The following ANKRD12 variants were observed in gnomAD, a reference collection of about 807,000 sequenced individuals.
ANKRD12 encodes ankyrin repeat domain-containing protein 12.
In ANKRD12, 85 loss-of-function variants were observed where a neutral mutation model predicts 183.4. The observed-to-expected ratio is 0.46, with a 90% CI of 0.39 to 0.56. The LOEUF (loss-of-function observed/expected upper bound fraction) is 0.56, where lower values mean the gene tolerates loss of function less well. Among genes scored for constraint, ANKRD12 ranks in the 20% least tolerant of loss-of-function variants. The pLI is 0.00. For synonymous variants in ANKRD12, 914 were observed against 800.2 expected (o/e 1.14, Z -2.40); for missense variants, 2,405 against 2,357.1 (o/e 1.02, Z -0.42).
At chr18:9,199,450 G>A (rs1400191099) in intron 3 of ANKRD12, among the ~76,000 whole-genome samples, 1 of 152,112 alleles carries the variant, frequency 6.6e-6, no homozygotes, top group African/African-American at 2.4e-5. Flanking sequence ...TTTTTTCACT[G>A]TAGGAACTGT....
intron 4 of ANKRD12, among the ~76,000 whole-genome samples, chr18:9,205,814 G>A (rs1370680102): frequency 1.3e-5 from 2 of 152,056 alleles, no homozygotes; most frequent in Admixed American, 1.3e-4. Flanking sequence ...CTATATTTGA[G>A]TTGTGATTCC....
chr18:9,180,170 G>A (rs1015194607), intron 1 of ANKRD12, among the ~76,000 whole-genome samples: 1 of 152,094 alleles, frequency 6.6e-6, no homozygotes, highest in East Asian at 1.9e-4. Context: ...AGATTGGTGT[G>A]TTGTCTTAGT....
intron 1 of ANKRD12, among the ~76,000 whole-genome samples, chr18:9,138,359 C>G (rs958497769): frequency 2.0e-5 from 3 of 152,044 alleles, no homozygotes; most frequent in Non-Finnish European, 4.4e-5. Context: ...ACTAAATATA[C>G]AAAATTAGCC....
At chr18:9,148,618 G>A (rs1166699281) in intron 1 of ANKRD12, among the ~76,000 whole-genome samples, 1 of 151,920 alleles carries the variant, frequency 6.6e-6, no homozygotes, top group East Asian at 1.9e-4. Context: ...CTTATTTATT[G>A]CTGGAGCCAG....
At chr18:9,220,917 T>C (rs570842685) in intron 7 of ANKRD12, among the ~76,000 whole-genome samples, 1 of 152,264 alleles carries the variant, frequency 6.6e-6, no homozygotes, top group African/African-American at 2.4e-5. Context: ...AGATTGATGG[T>C]AGCAGAGTTG....
At chr18:9,236,176 G>A (rs989150423) in intron 8 of ANKRD12, among the ~76,000 whole-genome samples, 2 of 152,094 alleles carry the variant, frequency 1.3e-5, no homozygotes, top group Non-Finnish European at 1.5e-5. Flanking sequence ...TATAACAATG[G>A]TAAAGGATTG....
chr18:9,192,503 G>A (rs2034515774), intron 2 of ANKRD12, among the ~76,000 whole-genome samples: 1 of 152,000 alleles, frequency 6.6e-6, no homozygotes. Context: ...TGTATCTTGT[G>A]CTGTTTTTTG....
intron 8 of ANKRD12, among the ~76,000 whole-genome samples, chr18:9,237,763 G>A (rs2037430367): frequency 6.6e-6 from 1 of 152,146 alleles, no homozygotes; most frequent in Admixed American, 6.5e-5. Flanking sequence ...ATGTATACCA[G>A]GCCATTAAGG....
intron 3 of ANKRD12, among the ~76,000 whole-genome samples, chr18:9,198,467 T>C (rs1409976039): frequency 6.6e-6 from 1 of 152,194 alleles, no homozygotes; most frequent in African/African-American, 2.4e-5. Flanking sequence ...AGAAATACTT[T>C]GTTTAAGGTA....
At chr18:9,244,253 T>C (rs563027752) in intron 8 of ANKRD12, among the ~76,000 whole-genome samples, 16 of 152,212 alleles carry the variant, frequency 1.1e-4, no homozygotes, top group Non-Finnish European at 1.8e-4. Flanking sequence ...GTAAAAAGGC[T>C]AAAAACATCC....
At chr18:9,162,152 C>T (rs1318128139) in intron 1 of ANKRD12, among the ~76,000 whole-genome samples, 1 of 152,056 alleles carries the variant, frequency 6.6e-6, no homozygotes, top group African/African-American at 2.4e-5. Context: ...GGTATTAAGC[C>T]TAGCATCCAT....
chr18:9,157,124 C>T lies in ANKRD12; in HGVS notation c.-52+20159C>T, dbSNP rs554451475. Among the ~76,000 whole-genome samples the T allele has an allele frequency of 1.9e-4, 29 of 152,234 alleles. 1 individual carries two copies. In the South Asian group the frequency reaches 3.5e-3, roughly 19 times the overall value. ...AACCGTGCTTCTAGAATTAGGATGG[C>T]GTTACATCCCAACTAAACAATAGTT... On this transcript the variant is annotated intron_variant, in intron 1 of 12. Transcript: ENST00000262126.
chr18:9,189,108 G>C (rs568669574), intron 2 of ANKRD12, among the ~76,000 whole-genome samples: 63 of 152,294 alleles, frequency 4.1e-4, no homozygotes, highest in African/African-American at 1.5e-3. Context: ...CACTAAAAGT[G>C]CTGTTAAAGT....
chr18:9,151,265 C>T lies in ANKRD12; in HGVS notation c.-52+14300C>T, dbSNP rs566031387. On this transcript the variant is annotated intron_variant, in intron 1 of 12. Coordinates refer to ENST00000262126, the MANE Select transcript of ANKRD12 (RefSeq NM_015208.5). ...ATGTGAGGGAATTAAGCTGCTTGTT[C>T]GGTTTAAGTAGGAATTACTTAGTGT... Among the ~76,000 whole-genome samples the T allele has an allele frequency of 2.2e-3, 340 of 152,030 alleles. 1 individual carries two copies. Among genetic ancestry groups the T allele is most frequent in the Middle Eastern group, 0.014 (4 of 294 alleles).
intron 1 of ANKRD12, among the ~76,000 whole-genome samples, chr18:9,166,078 C>G (rs557750009): frequency 3.3e-5 from 5 of 152,116 alleles, no homozygotes; most frequent in Admixed American, 2.0e-4. Context: ...GCATAGTATT[C>G]CATGGTGTAT....
At chr18:9,147,186 C>T (rs930974867) in intron 1 of ANKRD12, among the ~76,000 whole-genome samples, 1 of 152,080 alleles carries the variant, frequency 6.6e-6, no homozygotes, top group Non-Finnish European at 1.5e-5. Flanking sequence ...AATGACCTAT[C>T]CCAATCTCAC....
At chr18:9,168,412 A>T (rs527374886) in intron 1 of ANKRD12, among the ~76,000 whole-genome samples, 200 of 152,280 alleles carry the variant, frequency 1.3e-3, no homozygotes, top group African/African-American at 4.5e-3. Context: ...TTATTGGTCT[A>T]TTCAGAGATT....
At chr18:9,273,550 C>T (rs759244111) in intron 10 of ANKRD12, among the ~76,000 whole-genome samples, 5 of 152,138 alleles carry the variant, frequency 3.3e-5, no homozygotes, top group African/African-American at 7.2e-5. Flanking sequence ...TGAAATGATA[C>T]GGCTACTATG....
In ANKRD12 at chr18:9,257,320, C is replaced by T. The variant is rs1277913678; in HGVS notation, c.4053C>T (p.Phe1351=). 2 of 1,614,158 alleles carry T rather than the reference C, an allele frequency of 1.2e-6. No individual in the cohort carries two copies. The highest frequency in any genetic ancestry group is 3.3e-5 in the Admixed American group (2 of 60,012). ...GTCCTTCTCCCAAACCTGAGGTATT[C>T]TCAAATGTGCCTGAAAGAGACCTTT... The part of the protein sequence containing the change: ...DTSPSPKPEV[F]SNVPERDLSN... The change falls in exon 9 of 13, where the codon TTC becomes TTT. Residue 1351 remains phenylalanine (F), a synonymous_variant. Coordinates refer to ENST00000262126, the MANE Select transcript of ANKRD12 (RefSeq NM_015208.5).
Sources: gnomAD v4.1 joint callset for allele counts (sites outside exome capture counted in the v4.1 genomes callset) on GRCh38, gnomAD v4.1.1 for gene constraint, MANE v1.5 for transcripts, NCBI Gene and HGNC (gene_info 2026-07-23, HGNC 2026-07-21) for gene names.